The following DYRK4 variants were observed in gnomAD, a reference collection of about 807,000 sequenced individuals.
The protein encoded by DYRK4 is dual specificity tyrosine-phosphorylation-regulated kinase 4.
A neutral mutation model predicts 68.3 loss-of-function variants in DYRK4; 64 were observed. That is an observed-to-expected ratio of 0.94 (90% CI 0.77 to 1.15). The LOEUF (loss-of-function observed/expected upper bound fraction) is 1.15, where lower values mean the gene tolerates loss of function less well. DYRK4 is among the 50% of genes most tolerant of loss of function. The pLI is 0.00. For synonymous variants in DYRK4, 274 were observed against 289.9 expected (o/e 0.95, Z 0.56); for missense variants, 740 against 764.7 (o/e 0.97, Z 0.38).
In DYRK4 at chr12:4,610,109, A is replaced by G. The variant is rs756186434; in HGVS notation, c.1361-46A>G. On this transcript the variant is annotated intron_variant, in intron 12 of 14. Transcript: ENST00000543431. Reference sequence around the variant, plus strand: ...TAAGCAGCAGCATCATGTGACCACTAAAGATTTACACCTGAAACTAAATAC... The same window carrying G: ...TAAGCAGCAGCATCATGTGACCACTGAAGATTTACACCTGAAACTAAATAC... 3.3e-6 allele frequency: 5 copies of G among 1,525,280 alleles called. No homozygotes were observed. In the South Asian group the frequency reaches 5.4e-5, roughly 16 times the overall value. The allele number at this position is 1,525,280 out of a possible 1,614,324, so 94.5% of individuals were successfully genotyped here.
intron 2 of DYRK4, among the ~76,000 whole-genome samples, chr12:4,568,816 A>T (rs1261976509): frequency 6.6e-6 from 1 of 152,234 alleles, no homozygotes; most frequent in African/African-American, 2.4e-5. Flanking sequence ...TATGGGATCA[A>T]CTTCCAAATC....
At chr12:4,597,665 C>A (rs1459652596) in intron 8 of DYRK4, among the ~76,000 whole-genome samples, 4 of 152,170 alleles carry the variant, frequency 2.6e-5, no homozygotes, top group African/African-American at 9.7e-5. Flanking sequence ...GAGTCCAAAG[C>A]CCAGAGAGAT....
chr12:4,603,176 T>A, intron 10 of DYRK4: 1 of 1,278,410 alleles, frequency 7.8e-7, no homozygotes, highest in Non-Finnish European at 1.1e-6. Flanking sequence ...CGAAATGAAG[T>A]CATTTCTTCT....
chr12:4,608,898 A>G (rs1488867648), intron 12 of DYRK4, among the ~76,000 whole-genome samples: 1 of 152,236 alleles, frequency 6.6e-6, no homozygotes, highest in African/African-American at 2.4e-5. Flanking sequence ...CTGGCTCCCC[A>G]GTATAATTTA....
intron 2 of DYRK4, 50 bp from the exon 3 acceptor site, chr12:4,588,887 G>A: frequency 6.7e-7 from 1 of 1,498,814 alleles, no homozygotes; most frequent in Non-Finnish European, 9.0e-7. Context: ...TATACAGTGT[G>A]GGATAAAGCC....
intron 10 of DYRK4, among the ~76,000 whole-genome samples, chr12:4,604,139 C>G (rs1483966987): frequency 1.3e-5 from 2 of 152,182 alleles, no homozygotes; most frequent in African/African-American, 4.8e-5. Context: ...TGGAATCGTG[C>G]CTGGCACATA....
At position 4,613,700 on chromosome 12, in the gene DYRK4, C is replaced by T; in HGVS notation, c.1852C>T (p.Gln618Ter). 1 of 1,592,248 alleles carries T rather than the reference C, an allele frequency of 6.3e-7. No individual in the cohort carries two copies. Among genetic ancestry groups the T allele is most frequent in the South Asian group, 1.1e-5 (1 of 90,092 alleles). The change falls in exon 15 of 15, where the codon CAG (glutamine) becomes TAG (stop). Residue 618 changes from glutamine to a stop codon, truncating the protein, a stop_gained. Transcript: ENST00000543431. LOFTEE classifies it high-confidence loss of function. The surrounding 1 kb of genome is among the most constrained non-coding windows in gnomAD (Gnocchi z 4.0). ...GAEVSMTSPG[Q>*]SKNFSLKNTN... is the part of the protein sequence containing the mutation. ...GGAGGTGTCCATGACCTCCCCAGGA[C>T]AGAGCAAAAACTTCTCCCTCAAGAA...
chr12:4,610,194 G>A lies in DYRK4; in HGVS notation c.1400G>A (p.Gly467Glu), dbSNP rs543567366. 3.1e-6 allele frequency: 5 copies of A among 1,602,056 alleles called. No individual in the cohort carries two copies. Among genetic ancestry groups the A allele is most frequent in the African/African-American group, 2.7e-5 (2 of 74,252 alleles). ...GFPKNITNNRGKKRYPDSKDL... is the reference protein window; with the variant it reads ...GFPKNITNNREKKRYPDSKDL... ...CCTAAAAATATAACCAACAACAGGG[G>A]GAAAAAAAGATACCCAGATTCCAAG... The change falls in exon 13 of 15, where the codon GGG (glycine) becomes GAG (glutamate). Residue 467 changes from glycine (G) to glutamate (E), a missense_variant. Around this residue, in one of 3 missense-constraint regions of DYRK4, gnomAD observed 614 missense variants for 603.7 expected, o/e 1.02. Transcript: ENST00000543431.
rs137885966 is a variant in DYRK4, at chr12:4,586,357, G to A, written c.133-2580G>A. ...TGTTACATAGGAGATTCTAGATTTAGATACAGAGCTCAGGACTACTAAGGA... is the reference window on the plus strand; with the variant it reads ...TGTTACATAGGAGATTCTAGATTTAAATACAGAGCTCAGGACTACTAAGGA... On this transcript the variant is annotated intron_variant, in intron 2 of 14. Transcript: ENST00000543431. Among the ~76,000 whole-genome samples the A allele has an allele frequency of 1.7e-3, 264 of 152,274 alleles. 1 individual carries two copies. The highest frequency in any genetic ancestry group is 6.8e-3 in the South Asian group (33 of 4,824).
chr12:4,603,348 C>T (rs1274123882), intron 10 of DYRK4: 1 of 532,064 alleles, frequency 1.9e-6, no homozygotes, highest in Non-Finnish European at 3.4e-6. Flanking sequence ...TTAGTTAACC[C>T]CTCCAGGTCC....
chr12:4,564,003 T>C (rs1944653452), intron 1 of DYRK4, among the ~76,000 whole-genome samples: 1 of 152,162 alleles, frequency 6.6e-6, no homozygotes, highest in Non-Finnish European at 1.5e-5. Context: ...AGGAATACCA[T>C]AGAAAGAGGA....
At chr12:4,610,048 G>A in intron 12 of DYRK4, 107 bp from the exon 13 acceptor site, 2 of 971,614 alleles carry the variant, frequency 2.1e-6, no homozygotes, top group Non-Finnish European at 3.0e-6. Context: ...AGGCGAGTGT[G>A]TAAGACAGAG....
intron 11 of DYRK4, among the ~76,000 whole-genome samples, chr12:4,606,305 T>C (rs1446236161): frequency 6.6e-6 from 1 of 152,046 alleles, no homozygotes; most frequent in Non-Finnish European, 1.5e-5. Context: ...TATCTATCTA[T>C]CTATCTATCT....
intron 2 of DYRK4, among the ~76,000 whole-genome samples, chr12:4,575,236 C>T (rs1667974449): frequency 6.7e-6 from 1 of 150,174 alleles, no homozygotes. Flanking sequence ...CAGTCTTCCA[C>T]ATACTTTTTA....
At chr12:4,608,457 G>A (rs1418744079) in intron 12 of DYRK4, among the ~76,000 whole-genome samples, 4 of 152,108 alleles carry the variant, frequency 2.6e-5, no homozygotes, top group Admixed American at 1.3e-4. Context: ...AAACACTCTC[G>A]TGGGGAGATC....
Position 4,596,674 on chromosome 12 carries a change from A to G in DYRK4, c.850A>G (p.Met284Val). 1 of 1,614,238 alleles carries G rather than the reference A, an allele frequency of 6.2e-7. No homozygotes were observed. Residue 284 changes from methionine to valine, a missense_variant, in exon 8 of 15, where the codon ATG becomes GTG. Met to Val is a conservative substitution (Grantham distance 21). Transcript: ENST00000543431. Reference protein sequence around the residue: ...DKDNTYNVVHMKDFFYFRNHF... With the variant: ...DKDNTYNVVHVKDFFYFRNHF... ...AGACAACACCTACAATGTGGTGCAT[A>G]TGAAGGACTTTTTCTACTTTCGCAA...
chr12:4,580,828 A>G (rs920666540), intron 2 of DYRK4: 1 of 455,678 alleles, frequency 2.2e-6, no homozygotes, highest in Non-Finnish European at 4.4e-6. Context: ...AAACAGGAAG[A>G]GACAAGGAGG....
chr12:4,599,652 A>G (rs1945059274), intron 9 of DYRK4, 55 bp from the exon 10 acceptor site: 1 of 1,382,562 alleles, frequency 7.2e-7, no homozygotes, highest in African/African-American at 1.4e-5. Flanking sequence ...TTAGGTAAGT[A>G]GAGGGCCTAG....
At chr12:4,592,395 T>C (rs920341133) in intron 5 of DYRK4, 3 of 152,224 alleles carry the variant, frequency 2.0e-5, no homozygotes, top group African/African-American at 7.2e-5. Flanking sequence ...TAGTTTCTTT[T>C]CTCTGAGAAT....
Sources: gnomAD v4.1 joint callset for allele counts (sites outside exome capture counted in the v4.1 genomes callset) on GRCh38, gnomAD v4.1.1 for gene constraint, gnomAD v4.1.1 regional missense constraint, Gnocchi (gnomAD v3.1) non-coding constraint, MANE v1.5 for transcripts, NCBI Gene and HGNC (gene_info 2026-07-23, HGNC 2026-07-21) for gene names.